ELMO1: variants seen among roughly 807,000 people sequenced by gnomAD.
The protein encoded by ELMO1 is engulfment and cell motility 1.
In ELMO1, 26 loss-of-function variants were observed where a neutral mutation model predicts 98.9. The observed-to-expected ratio is 0.26, with a 90% CI of 0.19 to 0.36. The LOEUF is 0.36. Ranked by LOEUF, ELMO1 falls within the 10% of genes least tolerant of loss-of-function variation. The probability of loss-of-function intolerance (pLI) is 1.00; values close to 1 mark genes in which losing one functional copy is unlikely to be tolerated. For missense variants in ELMO1, 627 were observed against 935.2 expected (o/e 0.67, Z 4.30); for synonymous variants, 346 against 346.0 (o/e 1.00, Z 0.00).
chr7:37,296,318 G>A (rs1798024472), intron 4 of ELMO1, among the ~76,000 whole-genome samples: 1 of 152,108 alleles, frequency 6.6e-6, no homozygotes, highest in African/African-American at 2.4e-5. Flanking sequence ...AGCTCTGAGA[G>A]GTTGATCTTA....
chr7:37,252,476 G>A (rs1795406111), intron 6 of ELMO1, among the ~76,000 whole-genome samples: 1 of 152,144 alleles, frequency 6.6e-6, no homozygotes, highest in African/African-American at 2.4e-5. Context: ...AACAAGCAAT[G>A]GGGAAAGGAT....
chr7:37,062,120 C>T (rs935933664), intron 15 of ELMO1, among the ~76,000 whole-genome samples: 3 of 152,184 alleles, frequency 2.0e-5, no homozygotes, highest in Non-Finnish European at 2.9e-5. Flanking sequence ...TAATGTTTTA[C>T]AATTATGCAT....
chr7:37,394,534 G>C (rs143034673), intron 1 of ELMO1, among the ~76,000 whole-genome samples: 1 of 152,180 alleles, frequency 6.6e-6, no homozygotes, highest in Non-Finnish European at 1.5e-5. Context: ...TGCAGAAGGA[G>C]AATAATTGGG....
intron 2 of ELMO1, among the ~76,000 whole-genome samples, chr7:37,340,733 T>C (rs1045809690): frequency 2.6e-5 from 4 of 152,132 alleles, no homozygotes; most frequent in Admixed American, 1.3e-4. Flanking sequence ...AATAAGCAGA[T>C]AATTTAAAAA....
intron 16 of ELMO1, among the ~76,000 whole-genome samples, chr7:36,920,285 G>C (rs537377665): frequency 3.2e-4 from 48 of 152,340 alleles, no homozygotes; most frequent in African/African-American, 1.1e-3. Flanking sequence ...ATGAGATTTG[G>C]ATTAATTGTT....
intron 15 of ELMO1, among the ~76,000 whole-genome samples, chr7:37,028,694 C>T (rs915294779): frequency 6.6e-6 from 1 of 152,136 alleles, no homozygotes; most frequent in East Asian, 1.9e-4. Context: ...GCGACCGTCC[C>T]GCCTCAGCCT....
chr7:37,345,237 G>A (rs940384600), intron 1 of ELMO1, among the ~76,000 whole-genome samples: 2 of 152,266 alleles, frequency 1.3e-5, no homozygotes, highest in East Asian at 1.9e-4. Flanking sequence ...TCAGTGCCAG[G>A]TCTATTCCCC....
chr7:37,137,821 G>A (rs1354100809), intron 13 of ELMO1, among the ~76,000 whole-genome samples: 1 of 152,158 alleles, frequency 6.6e-6, no homozygotes, highest in Non-Finnish European at 1.5e-5. Context: ...ACAGGCGTGA[G>A]CCACTGTGCC....
chr7:37,273,103 T>C (rs1401410112), intron 4 of ELMO1, among the ~76,000 whole-genome samples: 3 of 152,252 alleles, frequency 2.0e-5, no homozygotes, highest in East Asian at 1.9e-4. Flanking sequence ...CTTTTGCATG[T>C]TGCCTTGAAG....
intron 15 of ELMO1, among the ~76,000 whole-genome samples, chr7:37,063,269 G>A (rs1413896137): frequency 2.6e-5 from 4 of 152,204 alleles, no homozygotes; most frequent in Non-Finnish European, 5.9e-5. Context: ...TATTACCTGA[G>A]GAGGGCTGTA....
chr7:37,336,162 G>A (rs986062992), intron 2 of ELMO1, among the ~76,000 whole-genome samples: 7 of 152,124 alleles, frequency 4.6e-5, no homozygotes, highest in African/African-American at 1.2e-4. Context: ...AGAATTAGAG[G>A]TTGCAGTGAG....
At chr7:37,282,344 C>A (rs369394013) in intron 4 of ELMO1, among the ~76,000 whole-genome samples, 164 of 152,308 alleles carry the variant, frequency 1.1e-3, no homozygotes, top group Middle Eastern at 3.4e-3. Flanking sequence ...TATGAGGACA[C>A]CCTTACTTTG....
chr7:37,009,071 T>A (rs77583256), intron 16 of ELMO1, among the ~76,000 whole-genome samples: 7 of 152,154 alleles, frequency 4.6e-5, no homozygotes, highest in Non-Finnish European at 7.4e-5. Flanking sequence ...ATTTTTTTTT[T>A]ACAGTGGAGT....
intron 15 of ELMO1, among the ~76,000 whole-genome samples, chr7:37,015,828 A>G (rs2129175212): frequency 6.6e-6 from 1 of 152,352 alleles, no homozygotes; most frequent in East Asian, 1.9e-4. Flanking sequence ...TTCCTAGTCC[A>G]GCCTGTTCAC....
intron 4 of ELMO1, among the ~76,000 whole-genome samples, chr7:37,294,475 G>C (rs181299659): frequency 4.6e-5 from 7 of 152,258 alleles, no homozygotes; most frequent in African/African-American, 1.4e-4. Context: ...GATAATTGCG[G>C]GTGGGACTGC....
chr7:37,443,283 T>C (rs1805483442), intron 1 of ELMO1, among the ~76,000 whole-genome samples: 1 of 152,208 alleles, frequency 6.6e-6, no homozygotes, highest in Admixed American at 6.5e-5. Context: ...GTTTTCTACC[T>C]TAACTGTTAG....
chr7:37,016,558 T>A (rs1180024950), intron 15 of ELMO1, among the ~76,000 whole-genome samples: 1 of 152,062 alleles, frequency 6.6e-6, no homozygotes. Context: ...TTCTCTTAGG[T>A]CTCCCGTACT....
intron 1 of ELMO1, among the ~76,000 whole-genome samples, chr7:37,413,826 C>T (rs918108029): frequency 2.6e-5 from 4 of 152,094 alleles, no homozygotes; most frequent in East Asian, 1.9e-4. Context: ...TACAGGCGCA[C>T]ACCACCACGT....
chr7:37,246,866 C>CTCTATCTATCTATCTATCTA lies in ELMO1; in HGVS notation c.414-2495_414-2476dup, dbSNP rs10547342. Among the ~76,000 whole-genome samples the CTCTATCTATCTATCTATCTA allele has an allele frequency of 2.4e-3, 366 of 151,096 alleles. 2 individuals carry two copies. Among genetic ancestry groups the CTCTATCTATCTATCTATCTA allele is most frequent in the African/African-American group, 8.7e-3 (357 of 41,060 alleles). ...TCTGTCTATATCTATCTATATATATCTCTATCTATCTATCTATCTATCTAT... is the reference window on the plus strand; with the variant it reads ...TCTGTCTATATCTATCTATATATATCTCTATCTATCTATCTATCTATCTATCTATCTATCTATCTATCTAT... On this transcript the variant is annotated intron_variant, in intron 6 of 21. Coordinates refer to ENST00000310758, the MANE Select transcript of ELMO1 (RefSeq NM_014800.11).
Sources: gnomAD v4.1 joint callset for allele counts (sites outside exome capture counted in the v4.1 genomes callset) on GRCh38, gnomAD v4.1.1 for gene constraint, MANE v1.5 for transcripts, NCBI Gene and HGNC (gene_info 2026-07-23, HGNC 2026-07-21) for gene names.